The following ZNF343 variants were observed in gnomAD, a reference collection of about 807,000 sequenced individuals.
The protein encoded by ZNF343 is zinc finger protein 343.
A neutral mutation model predicts 13.8 loss-of-function variants in ZNF343; 11 were observed. The observed-to-expected ratio is 0.80, with a 90% confidence interval of 0.50 to 1.32. The LOEUF is 1.32. Ranked by LOEUF, ZNF343 falls within the 40% of genes most tolerant of loss-of-function variation. The pLI is 0.00. For missense variants in ZNF343, 658 were observed against 714.2 expected, an observed-to-expected ratio of 0.92 and a Z score of 0.90; for synonymous variants, 248 against 260.0, an observed-to-expected ratio of 0.95 and a Z score of 0.44.
chr20:2,499,584 A>G (rs2085526178), intron 2 of ZNF343, among the ~76,000 whole-genome samples: 1 of 151,966 alleles, frequency 6.6e-6, no homozygotes, highest in Non-Finnish European at 1.5e-5. Flanking sequence ...AAGGTGAACT[A>G]GAATGTGGAG....
chr20:2,493,459 CTA>C, intron 4 of ZNF343, 58 bp downstream of exon 4: 1 of 1,449,938 alleles, frequency 6.9e-7, no homozygotes, highest in South Asian at 1.1e-5. Flanking sequence ...GAATATATGT[CTA>C]TTCTCTGGAA....
At chr20:2,499,896 C>T (rs908937213) in intron 2 of ZNF343, among the ~76,000 whole-genome samples, 4 of 152,112 alleles carry the variant, frequency 2.6e-5, no homozygotes, top group African/African-American at 9.7e-5. Context: ...TTGAACTAAG[C>T]AATAGCAATT....
At chr20:2,509,181 G>T (rs1266524575), upstream of ZNF343, 1 of 152,258 alleles carries the variant, frequency 6.6e-6, no homozygotes, top group Non-Finnish European at 1.5e-5. Flanking sequence ...TCCGGAAGCT[G>T]GGGTCAACGA....
chr20:2,507,212 C>T (rs1041956013), intron 1 of ZNF343, among the ~76,000 whole-genome samples: 1 of 145,938 alleles, frequency 6.9e-6, no homozygotes, highest in Non-Finnish European at 1.5e-5. Context: ...TGCGGTGAGC[C>T]GAGATCGCGC....
chr20:2,509,627 A>G (rs377382819), upstream of ZNF343, among the ~76,000 whole-genome samples: 2 of 152,108 alleles, frequency 1.3e-5, no homozygotes, highest in African/African-American at 4.8e-5. Context: ...TGTAACCCCG[A>G]GGGAGGCTGA....
chr20:2,523,328 A>G (rs2085790315), intron 1 of ZNF343, among the ~76,000 whole-genome samples: 1 of 152,182 alleles, frequency 6.6e-6, no homozygotes, highest in Non-Finnish European at 1.5e-5. Context: ...ATCAAGAAAT[A>G]ACTATAAGTA....
chr20:2,515,004 A>G (rs1392534835), intron 1 of ZNF343, among the ~76,000 whole-genome samples: 1 of 148,244 alleles, frequency 6.7e-6, no homozygotes, highest in East Asian at 2.0e-4. Flanking sequence ...CATTGTATCA[A>G]AAAAAAAAAA....
chr20:2,501,317 G>A (rs896043053), intron 1 of ZNF343, among the ~76,000 whole-genome samples: 1 of 152,188 alleles, frequency 6.6e-6, no homozygotes, highest in Admixed American at 6.5e-5. Flanking sequence ...CAGGAAGCTC[G>A]AACTGGGTGA....
chr20:2,508,063 A>AC lies in ZNF343; in HGVS notation c.-237+817dup, dbSNP rs1263640045. Among the ~76,000 whole-genome samples the AC allele has an allele frequency of 6.6e-6, 1 of 151,900 alleles. No individual in the cohort carries two copies. The highest frequency in any genetic ancestry group is 1.5e-5 in the Non-Finnish European group (1 of 67,988). ...AACTTTGCCACAAAGCACAGGGGGC[A>AC]CCTCCCACATGACACACCTTGAGAC... On this transcript the variant is annotated intron_variant, in intron 1 of 5. Transcript: ENST00000278772. This position sits in a 1 kb window ranked among gnomAD's most constrained non-coding sequence, Gnocchi z 4.5.
Position 2,508,505 on chromosome 20 carries a change from C to G in ZNF343, c.-237+376G>C, listed in dbSNP as rs549523827. On this transcript the variant is annotated intron_variant, in intron 1 of 5. Coordinates refer to ENST00000278772, the MANE Select transcript of ZNF343 (RefSeq NM_024325.6). This position sits in a 1 kb window ranked among gnomAD's most constrained non-coding sequence, Gnocchi z 4.5. Reference sequence around the variant, plus strand: ...CGCGGGGATGTTGGTCCATTTGGCCCTGGCAGAACTCAACCCCACAGCCCA... The same window carrying G: ...CGCGGGGATGTTGGTCCATTTGGCCGTGGCAGAACTCAACCCCACAGCCCA... 6.6e-6 allele frequency among the ~76,000 whole-genome samples: 1 copy of G among 152,304 alleles called. No individual in the cohort carries two copies. The highest frequency in any genetic ancestry group is 2.1e-4 in the South Asian group (1 of 4,828).
chr20:2,493,932 T>C lies in ZNF343; in HGVS notation c.-37A>G. The C allele has an allele frequency of 7.3e-7, 1 of 1,376,274 alleles. No homozygotes were observed. Among genetic ancestry groups the C allele is most frequent in the East Asian group, 2.3e-5 (1 of 43,774 alleles). 85.3% of individuals were successfully genotyped at this position (1,376,274 alleles called of 1,614,324 possible). On this transcript the variant is annotated 5_prime_UTR_variant, in exon 3 of 6. Transcript: ENST00000278772. The stretch of plus-strand genomic sequence containing the variant: ...CAGCCCAGTGTGTGCCTTGAAATTC[T>C]GCCAGAGGTCCAGGTAGATGTTATT...
At chr20:2,520,917 C>G (rs1209552916) in intron 1 of ZNF343, among the ~76,000 whole-genome samples, 1 of 152,102 alleles carries the variant, frequency 6.6e-6, no homozygotes, top group East Asian at 1.9e-4. Context: ...GACACAGCCC[C>G]AGGGCAAGGG....
At chr20:2,495,960 G>A (rs962359864) in intron 2 of ZNF343, among the ~76,000 whole-genome samples, 10 of 152,244 alleles carry the variant, frequency 6.6e-5, no homozygotes, top group Non-Finnish European at 1.0e-4. Context: ...GATTACAGGC[G>A]TGAGCCACCA....
At chr20:2,493,173 G>A (rs1466479474) in intron 4 of ZNF343, 9 of 487,252 alleles carry the variant, frequency 1.8e-5, no homozygotes, top group Middle Eastern at 1.1e-3. Flanking sequence ...AGAATGGGCT[G>A]CAGAAGGAAC....
In ZNF343 at chr20:2,484,493, C is replaced by A. The variant is rs2085250059; in HGVS notation, c.468G>T (p.Gln156His). Residue 156 changes from glutamine (Q) to histidine (H), a missense_variant, in exon 6 of 6, where the codon CAG (glutamine) becomes CAT (histidine). By Grantham distance (24) the Gln-to-His change is conservative (BLOSUM62 0). Coordinates refer to ENST00000278772, the MANE Select transcript of ZNF343 (RefSeq NM_024325.6). The stretch of plus-strand genomic sequence containing the variant: ...ACCAACAGCTTACATGGGAATACTG[C>A]TGCCCCTGCTGTTTCCAATGCCCTG... ...SSPGHWKQQGQQYSHVSCWFE... is the reference protein window; with the variant it reads ...SSPGHWKQQGHQYSHVSCWFE... 1 of 1,614,144 alleles carries A rather than the reference C, an allele frequency of 6.2e-7. No individual in the cohort carries two copies. The highest frequency in any genetic ancestry group is 1.3e-5 in the African/African-American group (1 of 74,958).
chr20:2,496,948 C>G (rs1169566351), intron 2 of ZNF343, among the ~76,000 whole-genome samples: 1 of 152,062 alleles, frequency 6.6e-6, no homozygotes, highest in Non-Finnish European at 1.5e-5. Flanking sequence ...GGCATGGTGG[C>G]ACATGCCTGT....
upstream of ZNF343, chr20:2,524,587 C>G (rs1001447): frequency 6.6e-6 from 1 of 152,424 alleles, no homozygotes; most frequent in African/African-American, 2.4e-5. Flanking sequence ...CCGCCAGGAC[C>G]GAGACTCGCG....
chr20:2,518,949 T>C lies in ZNF343; in HGVS notation c.-347+5506A>G, dbSNP rs142733608. 3.3e-5 allele frequency among the ~76,000 whole-genome samples: 5 copies of C among 152,288 alleles called. No homozygotes were observed. The highest frequency in any genetic ancestry group is 6.5e-5 in the Admixed American group (1 of 15,298). On this transcript the variant is annotated intron_variant, in intron 1 of 6. Transcript: ENST00000358413. This position sits in a 1 kb window ranked among gnomAD's most constrained non-coding sequence, Gnocchi z 4.6. Reference sequence around the variant, plus strand: ...CTGATGGTTTAAAAGTGTTTGGCAGTTCCCTGCCCCCCTCTCTCTTTCCTG... The same window carrying C: ...CTGATGGTTTAAAAGTGTTTGGCAGCTCCCTGCCCCCCTCTCTCTTTCCTG...
At chr20:2,512,709 A>G (rs1358285168), upstream of ZNF343, among the ~76,000 whole-genome samples, 1 of 152,212 alleles carries the variant, frequency 6.6e-6, no homozygotes, top group African/African-American at 2.4e-5. Flanking sequence ...CTCTTAGAAG[A>G]AAGCATAAGG....
Sources: gnomAD v4.1 joint callset for allele counts (sites outside exome capture counted in the v4.1 genomes callset) on GRCh38, gnomAD v4.1.1 for gene constraint, Gnocchi (gnomAD v3.1) non-coding constraint, MANE v1.5 for transcripts, NCBI Gene and HGNC (gene_info 2026-07-23, HGNC 2026-07-21) for gene names.